Variants in ATF7IP observed in about 807,000 individuals in gnomAD.
The protein encoded by ATF7IP is activating transcription factor 7-interacting protein 1.
In ATF7IP, 23 loss-of-function variants were observed where a neutral mutation model predicts 106.4. The ratio of observed to expected loss-of-function variants is 0.22; its 90% confidence interval spans 0.16 to 0.31. The LOEUF is 0.31. ATF7IP is among the 10% of genes least tolerant of loss of function. ATF7IP has a pLI of 1.00. For missense variants in ATF7IP, 1,334 were observed against 1,524.3 expected (o/e 0.88, Z 2.08); for synonymous variants, 542 against 539.0 (o/e 1.01, Z -0.08).
In ATF7IP at chr12:14,498,820, C is replaced by G. The variant is rs2136887200; in HGVS notation, c.*747C>G. 1 of 152,384 alleles carries G rather than the reference C, an allele frequency of 6.6e-6. No individual in the cohort carries two copies. The highest frequency in any genetic ancestry group is 2.4e-5 in the African/African-American group (1 of 41,412). The allele number at this position is 152,384 out of a possible 1,614,324, so 9.4% of individuals were successfully genotyped here. A position where few individuals can be genotyped will look rare whatever the true frequency, so the allele number is the denominator to read the frequency against. Reference sequence around the variant, plus strand: ...CTTTTACCCTTGATTTCTCCTTCATCTCTACCAAATATAGCACAACTCCTC... The same window carrying G: ...CTTTTACCCTTGATTTCTCCTTCATGTCTACCAAATATAGCACAACTCCTC... On this transcript the variant is annotated 3_prime_UTR_variant, in exon 15 of 15. Transcript: ENST00000261168.
At chr12:14,421,918 C>A (rs1941532715) in intron 1 of ATF7IP, among the ~76,000 whole-genome samples, 1 of 152,074 alleles carries the variant, frequency 6.6e-6, no homozygotes, top group Admixed American at 6.6e-5. Flanking sequence ...GAATTCATTA[C>A]CTTTTTAAGA....
chr12:14,424,753 A>T lies in ATF7IP; in HGVS notation c.838A>T (p.Thr280Ser). The T allele has an allele frequency of 6.2e-7, 1 of 1,614,148 alleles. No individual in the cohort carries two copies. Residue 280 changes from threonine to serine, a missense_variant, in exon 2 of 15, where the codon ACT (threonine) becomes TCT (serine). Coordinates refer to ENST00000261168, the MANE Select transcript of ATF7IP (RefSeq NM_018179.5). ...ATGELASDEL[T>S]SESTFDRTFE... ...TGGTGAACTGGCCTCTGATGAGCTG[A>T]CTTCTGAATCAACCTTTGATCGTAC... is the stretch of plus-strand genomic sequence containing the variant.
chr12:14,405,784 G>C lies in ATF7IP; in HGVS notation c.-7-18125G>C, dbSNP rs148009159. ...GGCAGTTGGAAGAGAAGAGGAATAA[G>C]ATAGAGATCCAGGGTGAAGTTCCTG... On this transcript the variant is annotated intron_variant, in intron 1 of 14. Coordinates refer to ENST00000261168, the MANE Select transcript of ATF7IP (RefSeq NM_018179.5). Among the ~76,000 whole-genome samples the C allele has an allele frequency of 7.9e-5, 12 of 152,232 alleles. No homozygotes were observed. The East Asian group carries it at 2.3e-3, about 29-fold the overall frequency.
intron 10 of ATF7IP, among the ~76,000 whole-genome samples, chr12:14,473,290 C>CTGTGTG (rs869266316): frequency 1.6e-4 from 21 of 129,920 alleles, no homozygotes; most frequent in African/African-American, 4.2e-4. Flanking sequence ...CTCTCTCTCT[C>CTGTGTG]TGTGTGTGTG....
At chr12:14,457,365 T>C in intron 8 of ATF7IP, 70 bp downstream of exon 8, 1 of 1,164,640 alleles carries the variant, frequency 8.6e-7, no homozygotes, top group Non-Finnish European at 1.2e-6. Flanking sequence ...TTTTCTTACA[T>C]TCTTTTGAGG....
At chr12:14,397,607 G>A (rs952891246) in intron 1 of ATF7IP, among the ~76,000 whole-genome samples, 10 of 151,928 alleles carry the variant, frequency 6.6e-5, no homozygotes. Context: ...GCTTCTCATA[G>A]CCCCCCACTT....
intron 1 of ATF7IP, among the ~76,000 whole-genome samples, chr12:14,415,917 T>G (rs905571987): frequency 9.9e-5 from 15 of 152,256 alleles, no homozygotes; most frequent in Admixed American, 9.2e-4. Context: ...CATTGTCAGA[T>G]TTTGTTATCT....
rs549835008 is a variant in ATF7IP at position 14,440,690 on chromosome 12, A to G, written c.1929+2423A>G. The stretch of plus-strand genomic sequence containing the variant: ...TGTTATTTAGTACATTCACAATTTT[A>G]TACAACCACAATCTCTATCTAGTTT... On this transcript the variant is annotated intron_variant, in intron 5 of 14. Transcript: ENST00000261168. Among the ~76,000 whole-genome samples, 141 of 152,350 alleles carry G rather than the reference A, an allele frequency of 9.3e-4. No individual in the cohort carries two copies. The Middle Eastern group carries it at 0.02, about 22-fold the overall frequency.
At chr12:14,470,482 T>C (rs1943996812) in intron 10 of ATF7IP, among the ~76,000 whole-genome samples, 2 of 152,232 alleles carry the variant, frequency 1.3e-5, no homozygotes, top group African/African-American at 4.8e-5. Flanking sequence ...GGAAAAGATG[T>C]AAAGATACAT....
intron 1 of ATF7IP, among the ~76,000 whole-genome samples, chr12:14,399,376 T>C (rs1425318874): frequency 6.6e-6 from 1 of 152,126 alleles, no homozygotes; most frequent in African/African-American, 2.4e-5. Flanking sequence ...TGATGACAAG[T>C]CTGATGCCAG....
chr12:14,461,346 A>G (rs1591915530), intron 9 of ATF7IP, among the ~76,000 whole-genome samples: 1 of 152,246 alleles, frequency 6.6e-6, no homozygotes, highest in East Asian at 1.9e-4. Flanking sequence ...AGAAGTTAGT[A>G]TCTGTGTTTT....
rs560357890 is a variant in ATF7IP at position 14,462,743 on chromosome 12, T to C, written c.2797+1610T>C. ...TGTTTCATTTGACTATTCTTAACTT[T>C]TTTATATAAAAGTAAGTTTTCACAA... On this transcript the variant is annotated intron_variant, in intron 9 of 14. Coordinates refer to ENST00000261168, the MANE Select transcript of ATF7IP (RefSeq NM_018179.5). Among the ~76,000 whole-genome samples, 75 of 152,140 alleles carry C rather than the reference T, an allele frequency of 4.9e-4. 1 individual carries two copies. In the South Asian group the frequency reaches 0.015, roughly 30 times the overall value.
chr12:14,495,107 CT>C (rs988328661), intron 13 of ATF7IP, among the ~76,000 whole-genome samples: 2 of 152,100 alleles, frequency 1.3e-5, no homozygotes, highest in Non-Finnish European at 2.9e-5. Context: ...CCTGTCTCTC[CT>C]TTTCACGTTT....
In ATF7IP at chr12:14,424,664, C is replaced by A. The variant is rs200357962; in HGVS notation, c.749C>A (p.Ala250Asp). 13 of 1,614,110 alleles carry A rather than the reference C, an allele frequency of 8.1e-6. No individual in the cohort carries two copies. In the East Asian group the frequency reaches 2.5e-4, roughly 30 times the overall value. Residue 250 changes from alanine (A) to aspartate (D), a missense_variant, in exon 2 of 15, where the codon GCC becomes GAC. By Grantham distance (126) the Ala-to-Asp change is moderately radical (BLOSUM62 -2). This residue lies in a region of ATF7IP where 438 missense variants were observed against 405.3 expected (regional missense o/e 1.08). Coordinates refer to ENST00000261168, the MANE Select transcript of ATF7IP (RefSeq NM_018179.5). ...GGAGCACCAGCTTCCACTGATCCAG[C>A]CTCTGATGATCTGGCCTCTGGTGAT... ...ASGAPASTDP[A>D]SDDLASGDLS...
intron 9 of ATF7IP, among the ~76,000 whole-genome samples, chr12:14,462,098 CA>C (rs972567948): frequency 3.6e-4 from 54 of 152,074 alleles, no homozygotes; most frequent in African/African-American, 1.3e-3. Context: ...AATGGCAGAT[CA>C]AAATTAATGT....
In ATF7IP at chr12:14,410,966, G is replaced by A. The variant is rs139947734; in HGVS notation, c.-7-12943G>A. The stretch of plus-strand genomic sequence containing the variant: ...AGTAGCATGTACAGTACTTCATTCC[G>A]TTTATGGCTGAATGATACTCTATTG... On this transcript the variant is annotated intron_variant, in intron 1 of 14. Coordinates refer to ENST00000261168, the MANE Select transcript of ATF7IP (RefSeq NM_018179.5). Among the ~76,000 whole-genome samples the A allele has an allele frequency of 1.7e-3, 255 of 152,120 alleles. 1 individual carries two copies. The highest frequency in any genetic ancestry group is 5.6e-3 in the African/African-American group (231 of 41,502).
At chr12:14,469,658 G>T (rs1309325875) in intron 10 of ATF7IP, among the ~76,000 whole-genome samples, 3 of 151,976 alleles carry the variant, frequency 2.0e-5, no homozygotes, top group Non-Finnish European at 2.9e-5. Context: ...TGTTTTGAAG[G>T]ACTCAAGATT....
chr12:14,387,824 G>T (rs1459208088), intron 1 of ATF7IP, among the ~76,000 whole-genome samples: 1 of 152,062 alleles, frequency 6.6e-6, no homozygotes, highest in Non-Finnish European at 1.5e-5. Context: ...ATGTTATTTT[G>T]TCACTTTTAA....
chr12:14,467,674 T>G (rs1355443382), intron 10 of ATF7IP, among the ~76,000 whole-genome samples: 1 of 149,512 alleles, frequency 6.7e-6, no homozygotes, highest in Non-Finnish European at 1.5e-5. Flanking sequence ...CTCAGTGAGT[T>G]TTTTTTTTTT....
Sources: allele counts gnomAD v4.1 joint callset (sites outside exome capture counted in the v4.1 genomes callset), GRCh38; gene constraint gnomAD v4.1.1; regional missense constraint gnomAD v4.1.1; transcripts MANE v1.5; gene names NCBI Gene and HGNC (gene_info 2026-07-23, HGNC 2026-07-21).